Variants in ADNP observed in about 807,000 individuals in gnomAD.
ADNP encodes the protein activity-dependent neuroprotector homeobox protein.
ADNP carries 4 observed loss-of-function variants against 84.9 expected under a neutral mutation model. The ratio of observed to expected loss-of-function variants is 0.05; its 90% CI spans 0.02 to 0.11. The LOEUF is 0.11. ADNP is among the 10% of genes least tolerant of loss of function. The pLI is 1.00. For synonymous variants in ADNP, 554 were observed against 468.1 expected, an observed-to-expected ratio of 1.18 and a Z score of -2.37; for missense variants, 1,132 against 1,326.0, an observed-to-expected ratio of 0.85 and a Z score of 2.27.
intron 2 of ADNP, among the ~76,000 whole-genome samples, chr20:50,922,785 G>C (rs969984091): frequency 6.6e-6 from 1 of 151,904 alleles, no homozygotes; most frequent in East Asian, 1.9e-4. Flanking sequence ...GTTTCACCAC[G>C]ATGGCCAGGC....
intron 5 of ADNP, among the ~76,000 whole-genome samples, chr20:50,898,746 G>A (rs1981665560): frequency 6.6e-6 from 1 of 152,218 alleles, no homozygotes; most frequent in Admixed American, 6.5e-5. Flanking sequence ...CCATGCACAA[G>A]AATGATGCAA....
At position 50,893,588 on chromosome 20, in the gene ADNP, T is replaced by G. The variant is rs1386964758; in HGVS notation, c.1126A>C (p.Arg376=). Residue 376 remains arginine (R), a synonymous_variant, in exon 6 of 6, where the codon AGG becomes CGG. Transcript: ENST00000621696. This position sits in a 1 kb window ranked among gnomAD's most constrained non-coding sequence, Gnocchi z 4.4. ...VKQLLPSGNG[R]SYGLGSEQRS... is the part of the protein sequence containing the mutation. ...TGCTCTGACCCAAGCCCATAAGACCTTCCGTTTCCACTTGGAAGTAACTGC... is the reference window on the plus strand; with the variant it reads ...TGCTCTGACCCAAGCCCATAAGACCGTCCGTTTCCACTTGGAAGTAACTGC... The G allele has an allele frequency of 1.2e-6, 2 of 1,614,144 alleles. No homozygotes were observed.
chr20:50,893,702 C>T lies in ADNP; in HGVS notation c.1012G>A (p.Gly338Ser). The change falls in exon 6 of 6, where the codon GGC becomes AGC. Residue 338 changes from glycine to serine, a missense_variant. By Grantham distance (56) the Gly-to-Ser change is moderately conservative (BLOSUM62 0). Coordinates refer to ENST00000621696, the MANE Select transcript of ADNP (RefSeq NM_001282531.3). The surrounding 1 kb of genome is among the most constrained non-coding windows in gnomAD (Gnocchi z 4.4). ...QQNNYGVKSV[G>S]QGYSVGQSMR... ...GACTGACCAACACTGTAACCCTGGC[C>T]TACAGATTTGACTCCATAGTTGTTC... 1 of 1,614,132 alleles carries T rather than the reference C, an allele frequency of 6.2e-7. No individual in the cohort carries two copies.
At position 50,890,045 on chromosome 20, in the gene ADNP, T is replaced by TA. The variant is rs749812491; in HGVS notation, c.*1359dup. 6 of 371,040 alleles carry TA rather than the reference T, an allele frequency of 1.6e-5. No individual in the cohort carries two copies. Among genetic ancestry groups the TA allele is most frequent in the South Asian group, 1.5e-4 (1 of 6,712 alleles). 23.0% of individuals were successfully genotyped at this position (371,040 alleles called of 1,614,324 possible). A position where few individuals can be genotyped will look rare whatever the true frequency, so the allele number is the denominator to read the frequency against. ...CAATCCATGTTTACATTTTTTTTTT[T>TA]ATCATTGAGACATTTACATATATAT... On this transcript the variant is annotated 3_prime_UTR_variant, in exon 6 of 6. Coordinates refer to ENST00000621696, the MANE Select transcript of ADNP (RefSeq NM_001282531.3).
At position 50,889,066 on chromosome 20, in the gene ADNP, T is replaced by A. The variant is rs1014165948; in HGVS notation, c.*2339A>T. 3 of 152,216 alleles carry A rather than the reference T, an allele frequency of 2.0e-5. No individual in the cohort carries two copies. Among genetic ancestry groups the A allele is most frequent in the Non-Finnish European group, 4.4e-5 (3 of 68,028 alleles). The allele number at this position is 152,216 out of a possible 1,614,324, so 9.4% of individuals were successfully genotyped here. Reference sequence around the variant, plus strand: ...AACAATATTCTTTTAAAATGGCTTTTATTGAGACACTTGTAGGGATTCTGC... The same window carrying A: ...AACAATATTCTTTTAAAATGGCTTTAATTGAGACACTTGTAGGGATTCTGC... On this transcript the variant is annotated 3_prime_UTR_variant, in exon 6 of 6. Coordinates refer to ENST00000621696, the MANE Select transcript of ADNP (RefSeq NM_001282531.3).
At chr20:50,908,745 G>A (rs1447526321) in intron 2 of ADNP, among the ~76,000 whole-genome samples, 1 of 151,972 alleles carries the variant, frequency 6.6e-6, no homozygotes, top group African/African-American at 2.4e-5. Flanking sequence ...CTGCACTCCA[G>A]CCTGGGCGAC....
intron 2 of ADNP, among the ~76,000 whole-genome samples, chr20:50,906,776 A>G (rs1568727860): frequency 6.6e-6 from 1 of 152,194 alleles, no homozygotes; most frequent in East Asian, 1.9e-4. Flanking sequence ...AGAAACTTGT[A>G]ATTTATAAAA....
At chr20:50,922,811 A>C (rs1170027335) in intron 2 of ADNP, among the ~76,000 whole-genome samples, 1 of 151,834 alleles carries the variant, frequency 6.6e-6, no homozygotes, top group Non-Finnish European at 1.5e-5. Flanking sequence ...TCAAACTCCT[A>C]AACTTGTGAT....
At chr20:50,913,797 G>A (rs1039578208) in intron 2 of ADNP, 4 of 487,710 alleles carry the variant, frequency 8.2e-6, no homozygotes, top group African/African-American at 8.0e-5. Flanking sequence ...GGAGGTGAAG[G>A]AGAGGATTCT....
At chr20:50,909,132 A>G (rs1839242365) in intron 2 of ADNP, among the ~76,000 whole-genome samples, 1 of 151,664 alleles carries the variant, frequency 6.6e-6, no homozygotes, top group South Asian at 2.1e-4. Flanking sequence ...GCACTTTGGG[A>G]GGCCGAGGCG....
chr20:50,897,550 T>C (rs1981534155), intron 5 of ADNP, among the ~76,000 whole-genome samples: 2 of 152,200 alleles, frequency 1.3e-5, no homozygotes, highest in Non-Finnish European at 2.9e-5. Context: ...CCAGATGCCA[T>C]TCATACACTC....
Position 50,891,315 on chromosome 20 carries a change from G to A in ADNP, c.*90C>T. On this transcript the variant is annotated 3_prime_UTR_variant, in exon 6 of 6. Coordinates refer to ENST00000621696, the MANE Select transcript of ADNP (RefSeq NM_001282531.3). Reference sequence around the variant, plus strand: ...CCCACAGTCCAACCAGTACTCACAAGGCAGTACCAGTGAGAAGACAGCTTT... The same window carrying A: ...CCCACAGTCCAACCAGTACTCACAAAGCAGTACCAGTGAGAAGACAGCTTT... The A allele has an allele frequency of 6.9e-7, 1 of 1,458,276 alleles. No individual in the cohort carries two copies. 90.3% of individuals were successfully genotyped at this position (1,458,276 alleles called of 1,614,324 possible).
intron 5 of ADNP, among the ~76,000 whole-genome samples, chr20:50,899,915 A>C (rs1000551412): frequency 3.4e-5 from 5 of 147,158 alleles, no homozygotes; most frequent in Non-Finnish European, 7.4e-5. Flanking sequence ...CATTATGAAG[A>C]GTGAAAGGAC....
chr20:50,923,377 C>T (rs1331089919), intron 2 of ADNP, among the ~76,000 whole-genome samples: 1 of 152,146 alleles, frequency 6.6e-6, no homozygotes, highest in Non-Finnish European at 1.5e-5. Context: ...TCAAGTTTTT[C>T]GAAGCCATTT....
intron 5 of ADNP, among the ~76,000 whole-genome samples, 175 bp downstream of exon 5, chr20:50,901,842 A>G (rs545380521): frequency 6.6e-6 from 1 of 152,374 alleles, no homozygotes; most frequent in Admixed American, 6.5e-5. Flanking sequence ...ATGACAAAAA[A>G]GGACAAAAAG....
chr20:50,919,150 A>G (rs1047379258), intron 2 of ADNP, among the ~76,000 whole-genome samples: 1 of 152,024 alleles, frequency 6.6e-6, no homozygotes, highest in Non-Finnish European at 1.5e-5. Context: ...GACTAAACAG[A>G]ACTCTTAAAA....
At chr20:50,914,561 T>TA (rs1407453831) in intron 2 of ADNP, 1 of 224,360 alleles carries the variant, frequency 4.5e-6, no homozygotes, top group African/African-American at 2.3e-5. Context: ...ATTCTAAACT[T>TA]ACGGCTTGCT....
chr20:50,921,532 A>C (rs1037089007), intron 2 of ADNP, among the ~76,000 whole-genome samples: 1 of 152,240 alleles, frequency 6.6e-6, no homozygotes, highest in Non-Finnish European at 1.5e-5. Flanking sequence ...TTCAGACTAC[A>C]AGACTGGTGC....
At chr20:50,919,492 T>A (rs1416677011) in intron 2 of ADNP, among the ~76,000 whole-genome samples, 1 of 151,936 alleles carries the variant, frequency 6.6e-6, no homozygotes, top group Non-Finnish European at 1.5e-5. Flanking sequence ...ATCATCTATG[T>A]CAATGACTAG....
Sources: gnomAD v4.1 joint callset for allele counts (sites outside exome capture counted in the v4.1 genomes callset) on GRCh38, gnomAD v4.1.1 for gene constraint, Gnocchi (gnomAD v3.1) non-coding constraint, MANE v1.5 for transcripts, NCBI Gene and HGNC (gene_info 2026-07-23, HGNC 2026-07-21) for gene names.